YTHDC2: variants seen among roughly 807,000 people sequenced by gnomAD.
YTHDC2 encodes YTH N6-methyladenosine RNA binding protein C2.
Under a neutral mutation model 174.9 loss-of-function variants are expected in YTHDC2, and 45 were observed. The ratio of observed to expected loss-of-function variants is 0.26; its 90% CI spans 0.20 to 0.33. YTHDC2 has a LOEUF of 0.33. Among genes scored for constraint, YTHDC2 ranks in the 10% least tolerant of loss-of-function variants. The pLI is 1.00. For synonymous variants in YTHDC2, 657 were observed against 574.5 expected (o/e 1.14, Z -2.05); for missense variants, 1,650 against 1,723.7 (o/e 0.96, Z 0.76).
At chr5:113,552,299 A>G (rs12186798) in intron 12 of YTHDC2, among the ~76,000 whole-genome samples, 47,131 of 151,860 alleles carry the variant, frequency 0.31, 9,468 homozygotes, top group African/African-American at 0.56. Flanking sequence ...CATCACCACA[A>G]AAAGAAACTT....
rs529126331 is a variant in YTHDC2, at chr5:113,526,696, T to C, written c.586T>C (p.Phe196Leu). ...FDSFRQSLPV[F>L]EKQEEIVKII... ...TTCTTTTAGGCAGTCTTTACCAGTG[T>C]TTGAGAAACAGGAAGAAATTGTTAA... Residue 196 changes from phenylalanine to leucine, a missense_variant, in exon 4 of 30, where the codon TTT becomes CTT. Phe to Leu is a conservative substitution (Grantham distance 22). Transcript: ENST00000161863. 1.3e-6 allele frequency: 2 copies of C among 1,586,868 alleles called. No homozygotes were observed. The highest frequency in any genetic ancestry group is 2.3e-5 in the South Asian group (2 of 87,084).
chr5:113,544,089 T>C (rs1332521361), intron 10 of YTHDC2, among the ~76,000 whole-genome samples: 1 of 152,242 alleles, frequency 6.6e-6, no homozygotes, highest in Non-Finnish European at 1.5e-5. Context: ...TACTTATCTC[T>C]GTGTCACCAG....
intron 7 of YTHDC2, among the ~76,000 whole-genome samples, chr5:113,536,763 A>G (rs1483361232): frequency 7.4e-6 from 1 of 135,566 alleles, no homozygotes; most frequent in African/African-American, 3.3e-5. Flanking sequence ...TTTATGATTT[A>G]TGGATGTTAA....
intron 2 of YTHDC2, among the ~76,000 whole-genome samples, chr5:113,518,827 C>G (rs1349993049): frequency 6.6e-6 from 1 of 151,868 alleles, no homozygotes; most frequent in Admixed American, 6.6e-5. Context: ...AAAATTATGT[C>G]ATTTGTGATG....
chr5:113,514,205 C>A (rs1037827497), intron 1 of YTHDC2, 123 bp downstream of exon 1: 4 of 1,292,064 alleles, frequency 3.1e-6, no homozygotes, highest in South Asian at 1.3e-5. Flanking sequence ...CCCGGGCCAC[C>A]GTCCGGGGCG....
intron 26 of YTHDC2, among the ~76,000 whole-genome samples, chr5:113,587,603 CAT>C (rs1213894060): frequency 1.4e-5 from 2 of 144,010 alleles, no homozygotes; most frequent in African/African-American, 5.1e-5. Context: ...ATATTTATGA[CAT>C]ATTATTATAT....
In YTHDC2 at chr5:113,522,253, G is replaced by C. The variant is rs371872877; in HGVS notation, c.279-2728G>C. Among the ~76,000 whole-genome samples, 247 of 150,158 alleles carry C rather than the reference G, an allele frequency of 1.6e-3. 3 individuals are homozygous for C. The highest frequency in any genetic ancestry group is 3.6e-3 in the South Asian group (17 of 4,750). On this transcript the variant is annotated intron_variant, in intron 2 of 29. Transcript: ENST00000161863. The stretch of plus-strand genomic sequence containing the variant: ...GGCTCTTCAGCTGATCTTTTAAACT[G>C]TTCTTAGATTTACAAGTAGGGAATA...
chr5:113,542,250 C>T (rs1014806680), intron 9 of YTHDC2, 118 bp from the exon 10 acceptor site: 2 of 1,041,212 alleles, frequency 1.9e-6, no homozygotes, highest in Admixed American at 2.6e-5. Context: ...TATGTCAAAG[C>T]ATTTGCTATA....
Position 113,581,442 on chromosome 5 carries a change from G to T in YTHDC2, c.3380G>T (p.Arg1127Ile). The change falls in exon 25 of 30, where the codon AGA becomes ATA. Residue 1127 changes from arginine to isoleucine, a missense_variant. Arg to Ile is a moderately conservative substitution (Grantham distance 97, BLOSUM62 -3). Around this residue, in one of 5 missense-constraint regions of YTHDC2, gnomAD observed 913 missense variants for 940.4 expected, o/e 0.97. Transcript: ENST00000161863. ...PEAASLLLQL[R>I]QKWHSLFLRR... ...GCAGCTAGTTTATTGCTGCAGCTCAGACAGAAGTGGCATAGCTTATTTTTA... is the reference window on the plus strand; with the variant it reads ...GCAGCTAGTTTATTGCTGCAGCTCATACAGAAGTGGCATAGCTTATTTTTA... 1 of 1,609,800 alleles carries T rather than the reference G, an allele frequency of 6.2e-7. No homozygotes were observed. Among genetic ancestry groups the T allele is most frequent in the South Asian group, 1.1e-5 (1 of 90,356 alleles).
chr5:113,518,707 C>G lies in YTHDC2; in HGVS notation c.278+3345C>G, dbSNP rs548327116. 2.0e-5 allele frequency among the ~76,000 whole-genome samples: 3 copies of G among 152,006 alleles called. 1 individual carries two copies. The highest frequency in any genetic ancestry group is 7.2e-5 in the African/African-American group (3 of 41,444). Reference sequence around the variant, plus strand: ...ATTTCCAGTCTCTCATTGACTCATTCTCTTATTTGGGCTTTTTATATAAGT... The same window carrying G: ...ATTTCCAGTCTCTCATTGACTCATTGTCTTATTTGGGCTTTTTATATAAGT... On this transcript the variant is annotated intron_variant, in intron 2 of 29. Coordinates refer to ENST00000161863, the MANE Select transcript of YTHDC2 (RefSeq NM_022828.5).
At chr5:113,539,981 A>G (rs1288581887) in intron 8 of YTHDC2, among the ~76,000 whole-genome samples, 1 of 152,162 alleles carries the variant, frequency 6.6e-6, no homozygotes, top group Non-Finnish European at 1.5e-5. Flanking sequence ...GGCTCACTGC[A>G]GCCTCGACCT....
intron 26 of YTHDC2, among the ~76,000 whole-genome samples, chr5:113,589,408 A>T (rs6862712): frequency 0.074 from 9,045 of 122,800 alleles, 431 homozygotes; most frequent in African/African-American, 0.12. Context: ...AAAAAAAAAA[A>T]ATATATATAT....
chr5:113,588,056 A>T (rs1258340589), intron 26 of YTHDC2, among the ~76,000 whole-genome samples: 1 of 152,086 alleles, frequency 6.6e-6, no homozygotes, highest in African/African-American at 2.4e-5. Context: ...CATTGTTAGT[A>T]TATACAAATA....
At position 113,553,967 on chromosome 5, in the gene YTHDC2, C is replaced by A. The variant is rs773932822; in HGVS notation, c.2078C>A (p.Thr693Asn). The A allele has an allele frequency of 1.3e-6, 2 of 1,586,994 alleles. No homozygotes were observed. Among genetic ancestry groups the A allele is most frequent in the East Asian group, 2.2e-5 (1 of 44,524 alleles). ...KIILSTNIAE[T>N]SITVNDVVFV... is the part of the protein sequence containing the mutation. ...ATTCTTTCCACCAATATTGCTGAAA[C>A]CAGCATCACAGTCAATGATGTTGTC... The change falls in exon 16 of 30, where the codon ACC becomes AAC. Residue 693 changes from threonine to asparagine, a missense_variant. Around this residue, in one of 5 missense-constraint regions of YTHDC2, gnomAD observed 913 missense variants for 940.4 expected, o/e 0.97. Transcript: ENST00000161863.
At chr5:113,519,955 A>C (rs184098963) in intron 2 of YTHDC2, among the ~76,000 whole-genome samples, 122 of 152,258 alleles carry the variant, frequency 8.0e-4, no homozygotes, top group African/African-American at 2.7e-3. Context: ...ACATAGGTAT[A>C]CATGTGCCCT....
chr5:113,553,157 CTTTTTTTTT>C lies in YTHDC2; in HGVS notation c.1689-12_1689-4del. 2.7e-6 allele frequency: 3 copies of C among 1,097,336 alleles called. No homozygotes were observed. The highest frequency in any genetic ancestry group is 4.8e-5 in the Admixed American group (1 of 20,864). The allele number at this position is 1,097,336 out of a possible 1,614,324, so 68.0% of individuals were successfully genotyped here. Reference sequence around the variant, plus strand: ...TTTTGTTAATGGAAATTGACTTTGTCTTTTTTTTTTTTTTTTTTTTCAGTGCTACACTGG... The same window carrying C: ...TTTTGTTAATGGAAATTGACTTTGTCTTTTTTTTTTTCAGTGCTACACTGG... On this transcript the variant is annotated splice_polypyrimidine_tract_variant and intron_variant, in intron 12 of 29. Coordinates refer to ENST00000161863, the MANE Select transcript of YTHDC2 (RefSeq NM_022828.5).
chr5:113,558,887 A>C (rs1344639721), intron 17 of YTHDC2, among the ~76,000 whole-genome samples: 2 of 147,198 alleles, frequency 1.4e-5, no homozygotes, highest in Non-Finnish European at 3.0e-5. Flanking sequence ...ACGCCATTGC[A>C]CTCCAGCCTG....
chr5:113,589,002 T>A (rs2112817838), intron 26 of YTHDC2, among the ~76,000 whole-genome samples: 1 of 152,310 alleles, frequency 6.6e-6, no homozygotes, highest in East Asian at 1.9e-4. Context: ...ATAAATGCTA[T>A]AATGTATTGT....
intron 21 of YTHDC2, among the ~76,000 whole-genome samples, chr5:113,566,845 C>G (rs1208739291): frequency 6.6e-6 from 1 of 151,732 alleles, no homozygotes; most frequent in African/African-American, 2.4e-5. Context: ...AAATTTAAGC[C>G]CCAAGTGATT....
Sources: allele counts gnomAD v4.1 joint callset (sites outside exome capture counted in the v4.1 genomes callset), GRCh38; gene constraint gnomAD v4.1.1; regional missense constraint gnomAD v4.1.1; transcripts MANE v1.5; gene names NCBI Gene and HGNC (gene_info 2026-07-23, HGNC 2026-07-21).